Variants in EPHA3 observed in about 807,000 individuals in gnomAD.
The protein encoded by EPHA3 is ephrin type-A receptor 3.
A neutral mutation model predicts 107.1 loss-of-function variants in EPHA3; 42 were observed. The observed-to-expected ratio is 0.39, with a 90% CI of 0.31 to 0.51. The LOEUF is 0.51. Among genes scored for constraint, EPHA3 ranks in the 20% least tolerant of loss-of-function variants. The pLI is 0.78. For missense variants in EPHA3, 1,183 were observed against 1,211.2 expected (o/e 0.98, Z 0.35); for synonymous variants, 461 against 424.8 (o/e 1.09, Z -1.05).
intron 3 of EPHA3, among the ~76,000 whole-genome samples, chr3:89,219,786 G>T (rs1188357394): frequency 7.9e-6 from 1 of 126,884 alleles, no homozygotes; most frequent in African/African-American, 3.0e-5. Flanking sequence ...TCGGCTCACT[G>T]CAAGCTCCAC....
At chr3:89,219,752 A>AGT (rs1704321838) in intron 3 of EPHA3, among the ~76,000 whole-genome samples, 1 of 93,870 alleles carries the variant, frequency 1.1e-5, no homozygotes, top group African/African-American at 4.0e-5. Context: ...TCTGTCGCCC[A>AGT]GGCTGGAGTG....
chr3:89,390,505 C>T (rs1708705147), intron 5 of EPHA3, among the ~76,000 whole-genome samples: 1 of 149,672 alleles, frequency 6.7e-6, no homozygotes, highest in Admixed American at 6.8e-5. Context: ...GAGGTTGAGG[C>T]AGGAGAATTG....
In EPHA3 at chr3:89,372,341, G is replaced by T. The variant is rs1437602074; in HGVS notation, c.1307-23496G>T. Among the ~76,000 whole-genome samples the T allele has an allele frequency of 2.0e-5, 3 of 151,564 alleles. No individual in the cohort carries two copies. The East Asian group carries it at 5.8e-4, about 30-fold the overall frequency. On this transcript the variant is annotated intron_variant, in intron 5 of 16. Coordinates refer to ENST00000336596, the MANE Select transcript of EPHA3 (RefSeq NM_005233.6). ...CTTTATAGTGTGATGGAGACTATTG[G>T]TTACTTCTAGCAGCAACCCCCTCAC...
At chr3:89,251,381 A>AAC (rs1393778506) in intron 3 of EPHA3, among the ~76,000 whole-genome samples, 4 of 152,088 alleles carry the variant, frequency 2.6e-5, no homozygotes, top group Non-Finnish European at 5.9e-5. Context: ...AGAAAGTGAT[A>AAC]AATGTATCAA....
rs531398425 is a variant in EPHA3, at chr3:89,388,118, A to T, written c.1307-7719A>T. ...AATTGAATAACATAAGTTTATAGAGAGTAGTCTCTCTTCTAAGCACATTTT... is the reference window on the plus strand; with the variant it reads ...AATTGAATAACATAAGTTTATAGAGTGTAGTCTCTCTTCTAAGCACATTTT... On this transcript the variant is annotated intron_variant, in intron 5 of 16. Coordinates refer to ENST00000336596, the MANE Select transcript of EPHA3 (RefSeq NM_005233.6). Among the ~76,000 whole-genome samples, 20 of 152,278 alleles carry T rather than the reference A, an allele frequency of 1.3e-4. No homozygotes were observed. The South Asian group carries it at 4.1e-3, about 32-fold the overall frequency.
At chr3:89,128,165 C>T (rs548418240) in intron 2 of EPHA3, among the ~76,000 whole-genome samples, 8 of 152,180 alleles carry the variant, frequency 5.3e-5, no homozygotes, top group South Asian at 2.1e-4. Flanking sequence ...TTCGTGTTGG[C>T]GTTCAGTCTT....
chr3:89,126,955 C>G (rs1356825309), intron 1 of EPHA3, among the ~76,000 whole-genome samples: 1 of 151,646 alleles, frequency 6.6e-6, no homozygotes, highest in Non-Finnish European at 1.5e-5. Context: ...CAGAAATTGC[C>G]AGTATATTGA....
intron 2 of EPHA3, among the ~76,000 whole-genome samples, chr3:89,161,242 ACAC>A (rs1704934637): frequency 1.3e-5 from 2 of 152,188 alleles, no homozygotes; most frequent in Admixed American, 6.5e-5. Flanking sequence ...TGAATGGGTA[ACAC>A]ATTCACATGG....
chr3:89,447,534 A>G (rs780096781), intron 13 of EPHA3, among the ~76,000 whole-genome samples: 21 of 152,190 alleles, frequency 1.4e-4, no homozygotes, highest in Non-Finnish European at 2.9e-4. Context: ...TAGCCAGGAT[A>G]AAGTTTCCCA....
At position 89,479,759 on chromosome 3, in the gene EPHA3, G is replaced by A. The variant is rs1160037976; in HGVS notation, c.*257G>A. 2.0e-5 allele frequency: 8 copies of A among 401,972 alleles called. No individual in the cohort carries two copies. The highest frequency in any genetic ancestry group is 8.2e-5 in the Admixed American group (2 of 24,464). The allele number at this position is 401,972 out of a possible 1,614,324, so 24.9% of individuals were successfully genotyped here. A position where few individuals can be genotyped will look rare whatever the true frequency, so the allele number is the denominator to read the frequency against. On this transcript the variant is annotated 3_prime_UTR_variant, in exon 17 of 17. Transcript: ENST00000336596. ...TTAATGGATTAAATTTAATTCTTCA[G>A]CGTAAAATGGTGAAGAACTAGCATA...
chr3:89,404,059 G>T (rs1314577150), intron 7 of EPHA3, among the ~76,000 whole-genome samples: 1 of 152,066 alleles, frequency 6.6e-6, no homozygotes, highest in Non-Finnish European at 1.5e-5. Context: ...CAACCCCAGG[G>T]ATAATTAAAT....
At chr3:89,240,962 A>G (rs1487289657) in intron 3 of EPHA3, among the ~76,000 whole-genome samples, 5 of 152,258 alleles carry the variant, frequency 3.3e-5, no homozygotes, top group Admixed American at 3.3e-4. Flanking sequence ...ATGGATTAAA[A>G]TAATCAAATG....
chr3:89,124,978 A>G (rs549248840), intron 1 of EPHA3, among the ~76,000 whole-genome samples: 1 of 151,804 alleles, frequency 6.6e-6, no homozygotes, highest in Non-Finnish European at 1.5e-5. Context: ...GTTCTTTTCC[A>G]TTGTTCTTAT....
chr3:89,251,148 T>G (rs1705154499), intron 3 of EPHA3, among the ~76,000 whole-genome samples: 1 of 152,186 alleles, frequency 6.6e-6, no homozygotes, highest in Admixed American at 6.5e-5. Flanking sequence ...ATAACCAATG[T>G]TCTTCTGGAG....
rs1018919249 is a variant in EPHA3 at position 89,358,515 on chromosome 3, C to G, written c.1306+16425C>G. On this transcript the variant is annotated intron_variant, in intron 5 of 16. Coordinates refer to ENST00000336596, the MANE Select transcript of EPHA3 (RefSeq NM_005233.6). ...AATGATGATTAAGATGTAGTCACTA[C>G]TTTCAAGGAGCTCTCAATTTAGGAC... is the stretch of plus-strand genomic sequence containing the variant. Among the ~76,000 whole-genome samples the G allele has an allele frequency of 2.6e-5, 4 of 150,982 alleles. 1 individual carries two copies. Among genetic ancestry groups the G allele is most frequent in the Non-Finnish European group, 5.9e-5 (4 of 67,482 alleles).
At chr3:89,357,350 T>C (rs1239713540) in intron 5 of EPHA3, among the ~76,000 whole-genome samples, 1 of 150,878 alleles carries the variant, frequency 6.6e-6, no homozygotes, top group African/African-American at 2.4e-5. Context: ...TGTTAGTGGT[T>C]GACTTTTTCT....
At chr3:89,136,330 C>CTTTTTTTGTTTTTTTTTTTTTT (rs1704310389) in intron 2 of EPHA3, among the ~76,000 whole-genome samples, 1 of 23,370 alleles carries the variant, frequency 4.3e-5, no homozygotes, top group Non-Finnish European at 7.8e-5. Context: ...ATCTTACAGG[C>CTTTTTTTGTTTTTTTTTTTTTT]TTTTTTTTTT....
chr3:89,403,941 CAAAT>C (rs1473484561), intron 7 of EPHA3, among the ~76,000 whole-genome samples: 11 of 152,188 alleles, frequency 7.2e-5, no homozygotes, highest in African/African-American at 2.6e-4. Flanking sequence ...TGTGTTTAAA[CAAAT>C]AGTCCGTAAT....
intron 2 of EPHA3, among the ~76,000 whole-genome samples, chr3:89,136,330 C>CTTTTTTTTTTTTTTTATTTTTTTT (rs1704311017): frequency 4.3e-5 from 1 of 23,370 alleles, no homozygotes; most frequent in Non-Finnish European, 7.8e-5. Context: ...ATCTTACAGG[C>CTTTTTTTTTTTTTTTATTTTTTTT]TTTTTTTTTT....
Sources: allele counts gnomAD v4.1 joint callset (sites outside exome capture counted in the v4.1 genomes callset), GRCh38; gene constraint gnomAD v4.1.1; transcripts MANE v1.5; gene names NCBI Gene and HGNC (gene_info 2026-07-23, HGNC 2026-07-21).